Variants in PI4K2A observed in about 807,000 individuals in gnomAD.
PI4K2A encodes phosphatidylinositol 4-kinase type 2 alpha.
In PI4K2A, 20 loss-of-function variants were observed where a neutral mutation model predicts 55.0. That is an observed-to-expected ratio of 0.36 (90% confidence interval 0.26 to 0.53). The LOEUF is 0.53. PI4K2A is among the 20% of genes least tolerant of loss of function. The pLI is 0.91. For missense variants in PI4K2A, 463 were observed against 637.1 expected (o/e 0.73, Z 2.94); for synonymous variants, 235 against 258.5 (o/e 0.91, Z 0.87).
intron 1 of PI4K2A, among the ~76,000 whole-genome samples, chr10:97,642,836 TTCC>T: frequency 2.8e-4 from 1 of 3,594 alleles, no homozygotes; most frequent in East Asian, 8.8e-3. Flanking sequence ...CCTTCCTTCC[TTCC>T]TTCCTTCCTT....
At chr10:97,659,705 C>CA (rs1217223557) in intron 4 of PI4K2A, among the ~76,000 whole-genome samples, 2 of 152,008 alleles carry the variant, frequency 1.3e-5, no homozygotes, top group Non-Finnish European at 2.9e-5. Flanking sequence ...ATCTGGCTGC[C>CA]ATGTGGCTGA....
chr10:97,670,265 T>C (rs2041628744), intron 8 of PI4K2A, among the ~76,000 whole-genome samples: 1 of 152,220 alleles, frequency 6.6e-6, no homozygotes, highest in African/African-American at 2.4e-5. Flanking sequence ...TCTTCAAATT[T>C]AAAAAATAAT....
intron 5 of PI4K2A, among the ~76,000 whole-genome samples, chr10:97,663,637 A>G (rs978722091): frequency 1.3e-5 from 2 of 151,230 alleles, no homozygotes; most frequent in African/African-American, 4.9e-5. Flanking sequence ...CCTGGCCGAC[A>G]TGGTGAAACC....
intron 1 of PI4K2A, among the ~76,000 whole-genome samples, chr10:97,644,845 G>C (rs2041496322): frequency 6.6e-6 from 1 of 152,134 alleles, no homozygotes; most frequent in Non-Finnish European, 1.5e-5. Flanking sequence ...TAGGGAACAA[G>C]GGGGAACAGA....
intron 1 of PI4K2A, among the ~76,000 whole-genome samples, chr10:97,649,800 T>G (rs2041522275): frequency 6.6e-6 from 1 of 151,508 alleles, no homozygotes. Context: ...ATTTTTGTAT[T>G]TTTAGTAGAG....
Position 97,673,935 on chromosome 10 carries a change from T to C in PI4K2A, c.*193T>C, listed in dbSNP as rs2041648408. On this transcript the variant is annotated 3_prime_UTR_variant, in exon 9 of 9. Coordinates refer to ENST00000370631, the Ensembl canonical transcript of PI4K2A. ...CAGGAACAGTGAGTGCTCCTCGCCCTTCTGATGTGGGGGAGGCTGGAGCTC... is the reference window on the plus strand; with the variant it reads ...CAGGAACAGTGAGTGCTCCTCGCCCCTCTGATGTGGGGGAGGCTGGAGCTC... 6 of 565,914 alleles carry C rather than the reference T, an allele frequency of 1.1e-5. No homozygotes were observed. The East Asian group carries it at 1.7e-4, about 16-fold the overall frequency. 35.1% of individuals were successfully genotyped at this position (565,914 alleles called of 1,614,324 possible).
At chr10:97,648,172 C>T (rs1283347604) in intron 1 of PI4K2A, among the ~76,000 whole-genome samples, 2 of 149,370 alleles carry the variant, frequency 1.3e-5, no homozygotes, top group Non-Finnish European at 3.0e-5. Context: ...CGGCTCACTG[C>T]GACCTCCACC....
chr10:97,648,537 T>C (rs1247668032), intron 1 of PI4K2A, among the ~76,000 whole-genome samples: 1 of 152,186 alleles, frequency 6.6e-6, no homozygotes. Context: ...GTAGAAGTAT[T>C]TACCAGTTGA....
intron 4 of PI4K2A, among the ~76,000 whole-genome samples, chr10:97,661,274 A>G (rs2041582117): frequency 1.3e-5 from 2 of 152,098 alleles, no homozygotes; most frequent in Admixed American, 6.5e-5. Flanking sequence ...TACAGGAGTG[A>G]GCCACCGCGC....
chr10:97,650,606 A>G (rs916451541), intron 1 of PI4K2A, among the ~76,000 whole-genome samples: 4 of 152,152 alleles, frequency 2.6e-5, no homozygotes, highest in Non-Finnish European at 5.9e-5. Context: ...GCTCCTAGAA[A>G]TGTAGCAATC....
chr10:97,662,942 T>C, exon 5 of PI4K2A: 2 of 1,605,536 alleles, frequency 1.2e-6, no homozygotes, highest in Non-Finnish European at 1.7e-6. Flanking sequence ...TAAATATGAC[T>C]GTCCAATGGA....
intron 8 of PI4K2A, among the ~76,000 whole-genome samples, chr10:97,671,320 C>T (rs1439833587): frequency 6.6e-6 from 1 of 152,088 alleles, no homozygotes; most frequent in Non-Finnish European, 1.5e-5. Context: ...GACTCAGTGG[C>T]TCATGCCTGT....
intron 4 of PI4K2A, among the ~76,000 whole-genome samples, chr10:97,659,657 C>G (rs2041571214): frequency 6.6e-6 from 1 of 152,062 alleles, no homozygotes; most frequent in South Asian, 2.1e-4. Context: ...CCTTGGCACC[C>G]TCAAGCTATT....
intron 1 of PI4K2A, among the ~76,000 whole-genome samples, chr10:97,649,001 A>G (rs1335260376): frequency 6.6e-6 from 1 of 152,180 alleles, no homozygotes; most frequent in African/African-American, 2.4e-5. Flanking sequence ...CTTGGAAGGC[A>G]TTTTTAAAGG....
intron 4 of PI4K2A, among the ~76,000 whole-genome samples, chr10:97,662,355 G>T (rs2041588352): frequency 6.6e-6 from 1 of 152,148 alleles, no homozygotes; most frequent in Non-Finnish European, 1.5e-5. Context: ...TCGTAGAGCT[G>T]TATAAAGGCC....
At chr10:97,643,146 C>G (rs565083742) in intron 1 of PI4K2A, among the ~76,000 whole-genome samples, 37 of 151,560 alleles carry the variant, frequency 2.4e-4, no homozygotes, top group Admixed American at 9.2e-4. Flanking sequence ...ACCACCACAC[C>G]CGGCTAAAAA....
chr10:97,667,161 G>C, intron 8 of PI4K2A, 41 bp downstream of exon 8: 1 of 1,451,268 alleles, frequency 6.9e-7, no homozygotes, highest in Non-Finnish European at 9.7e-7. Context: ...GGCGTCTCTG[G>C]GAGTGTTGTG....
chr10:97,663,912 T>C (rs959328599), intron 5 of PI4K2A, among the ~76,000 whole-genome samples: 3 of 151,890 alleles, frequency 2.0e-5, no homozygotes, highest in Non-Finnish European at 2.9e-5. Flanking sequence ...CACAGCAGCC[T>C]TGGACTCCTG....
chr10:97,656,124 A>T lies in PI4K2A; in HGVS notation c.637-161A>T, dbSNP rs187898010. ...ATTATTTCATTGGCCCAAACTAGTT[A>T]TCTTCCCTCTCCTAGTTGCTGGGAA... On this transcript the variant is annotated intron_variant, in intron 2 of 8. Transcript: ENST00000370631. The surrounding 1 kb of genome is among the most constrained non-coding windows in gnomAD (Gnocchi z 4.5). 2.2e-4 allele frequency among the ~76,000 whole-genome samples: 34 copies of T among 152,292 alleles called. No individual in the cohort carries two copies. The East Asian group carries it at 6.2e-3, about 28-fold the overall frequency.
Sources: allele counts gnomAD v4.1 joint callset (sites outside exome capture counted in the v4.1 genomes callset), GRCh38; gene constraint gnomAD v4.1.1; non-coding constraint Gnocchi (gnomAD v3.1); transcripts MANE v1.5; gene names NCBI Gene and HGNC (gene_info 2026-07-23, HGNC 2026-07-21).